Variants in NEDD4L observed in about 807,000 individuals in gnomAD.
NEDD4L encodes the protein NEDD4 like E3 ubiquitin protein ligase, also known as E3 ubiquitin-protein ligase NEDD4-like.
A neutral mutation model predicts 148.9 loss-of-function variants in NEDD4L; 54 were observed. The ratio of observed to expected loss-of-function variants is 0.36; its 90% CI spans 0.29 to 0.45. The LOEUF (loss-of-function observed/expected upper bound fraction) is 0.45. NEDD4L is among the 20% of genes least tolerant of loss of function. The pLI is 1.00. For synonymous variants in NEDD4L, 433 were observed against 440.7 expected, an observed-to-expected ratio of 0.98 and a Z score of 0.22; for missense variants, 856 against 1,233.8, an observed-to-expected ratio of 0.69 and a Z score of 4.59.
At chr18:58,068,008 G>A (rs1266052232) in intron 1 of NEDD4L, among the ~76,000 whole-genome samples, 1 of 152,108 alleles carries the variant, frequency 6.6e-6, no homozygotes, top group East Asian at 1.9e-4. Flanking sequence ...CACCCAGGCT[G>A]GAGTGCAGCT....
chr18:58,062,560 A>T (rs150343269), intron 1 of NEDD4L, among the ~76,000 whole-genome samples: 1 of 152,346 alleles, frequency 6.6e-6, no homozygotes, highest in East Asian at 1.9e-4. Flanking sequence ...TGTTGCTGTC[A>T]TCTAAATGTA....
chr18:58,048,926 A>C (rs1598921054), intron 1 of NEDD4L, among the ~76,000 whole-genome samples: 1 of 152,224 alleles, frequency 6.6e-6, no homozygotes, highest in Non-Finnish European at 1.5e-5. Flanking sequence ...TTTAAGGCTA[A>C]CCTTTGGCGT....
chr18:58,377,655 C>T (rs1356686220), intron 24 of NEDD4L, among the ~76,000 whole-genome samples: 2 of 152,154 alleles, frequency 1.3e-5, no homozygotes, highest in South Asian at 2.1e-4. Context: ...CTGCCCCCAC[C>T]GGGAGGAGGG....
In NEDD4L at chr18:58,128,293, C is replaced by T. The variant is rs543130747; in HGVS notation, c.49-37495C>T. Among the ~76,000 whole-genome samples, 18 of 152,266 alleles carry T rather than the reference C, an allele frequency of 1.2e-4. 1 individual carries two copies. In the East Asian group the frequency reaches 2.5e-3, roughly 21 times the overall value. On this transcript the variant is annotated intron_variant, in intron 1 of 30. Coordinates refer to ENST00000400345, the MANE Select transcript of NEDD4L (RefSeq NM_001144967.3). ...AACTCCTGGCCTCAGGTGATCCACC[C>T]GCCTCGGCCTCCCAGCGTGCTCATT...
chr18:58,323,461 C>A (rs2059025949), intron 8 of NEDD4L, 127 bp downstream of exon 8: 3 of 607,888 alleles, frequency 4.9e-6, no homozygotes, highest in Non-Finnish European at 5.8e-6. Flanking sequence ...CATATGTCCG[C>A]AAATTGGTCA....
At chr18:58,301,044 A>C (rs1227135772) in intron 5 of NEDD4L, among the ~76,000 whole-genome samples, 1 of 152,196 alleles carries the variant, frequency 6.6e-6, no homozygotes, top group African/African-American at 2.4e-5. Context: ...CAGCACAGAA[A>C]TACAGCACAG....
intron 1 of NEDD4L, among the ~76,000 whole-genome samples, chr18:58,094,560 C>T (rs536335114): frequency 6.2e-4 from 95 of 152,222 alleles, no homozygotes; most frequent in Non-Finnish European, 9.3e-4. Flanking sequence ...CATTCTTGTG[C>T]CTGACTGTGC....
At chr18:58,180,282 C>T (rs2038703054) in intron 2 of NEDD4L, among the ~76,000 whole-genome samples, 1 of 152,208 alleles carries the variant, frequency 6.6e-6, no homozygotes, top group African/African-American at 2.4e-5. Context: ...TCTCCTTTCT[C>T]AGGCCAGTGC....
intron 2 of NEDD4L, among the ~76,000 whole-genome samples, chr18:58,177,390 C>T (rs1017547588): frequency 2.0e-5 from 3 of 152,166 alleles, no homozygotes; most frequent in African/African-American, 7.2e-5. Flanking sequence ...ATTTATTTAA[C>T]AAAAATTGAA....
chr18:58,381,953 A>T (rs2048400571), intron 24 of NEDD4L, among the ~76,000 whole-genome samples: 1 of 152,208 alleles, frequency 6.6e-6, no homozygotes, highest in African/African-American at 2.4e-5. Context: ...AGAAAGGGAA[A>T]TGGAGAAATG....
At chr18:58,104,287 T>C (rs2084938116) in intron 1 of NEDD4L, among the ~76,000 whole-genome samples, 2 of 152,096 alleles carry the variant, frequency 1.3e-5, no homozygotes, top group South Asian at 4.1e-4. Context: ...AGATTTGTGG[T>C]TTGGTTTCTA....
At chr18:58,329,979 GA>G (rs1259313402) in intron 10 of NEDD4L, among the ~76,000 whole-genome samples, 1 of 152,146 alleles carries the variant, frequency 6.6e-6, no homozygotes, top group East Asian at 1.9e-4. Flanking sequence ...TTGACACTTG[GA>G]AGAGATTTAT....
In NEDD4L at chr18:58,147,821, C is replaced by G. The variant is rs4149590; in HGVS notation, c.49-17967C>G. Among the ~76,000 whole-genome samples the G allele has an allele frequency of 7.7e-3, 1,172 of 152,228 alleles. 8 individuals are homozygous for G. Among genetic ancestry groups the G allele is most frequent in the Non-Finnish European group, 9.1e-3 (619 of 68,006 alleles). On this transcript the variant is annotated intron_variant, in intron 1 of 30. Transcript: ENST00000400345. ...AATGCCCTTTTCATGCCTGTGACCT[C>G]TCTTTACTATGCCTTTTCTTCTCTG...
In NEDD4L at chr18:58,256,888, C is replaced by A; in HGVS notation, c.297+4834C>A. 1.0e-6 allele frequency: 1 copy of A among 968,212 alleles called. No homozygotes were observed. Among genetic ancestry groups the A allele is most frequent in the Non-Finnish European group, 1.3e-6 (1 of 747,812 alleles). The allele number at this position is 968,212 out of a possible 1,614,324, so 60.0% of individuals were successfully genotyped here. A position where few individuals can be genotyped will look rare whatever the true frequency, so the allele number is the denominator to read the frequency against. Reference sequence around the variant, plus strand: ...TTCCGGGAGTTTCCCTGCTTCAGGCCAGTGGATCTGAATGTTTGGCCGAGT... The same window carrying A: ...TTCCGGGAGTTTCCCTGCTTCAGGCAAGTGGATCTGAATGTTTGGCCGAGT... On this transcript the variant is annotated intron_variant, in intron 5 of 30. Transcript: ENST00000400345. This position sits in a 1 kb window ranked among gnomAD's most constrained non-coding sequence, Gnocchi z 5.2.
intron 25 of NEDD4L, among the ~76,000 whole-genome samples, chr18:58,383,642 G>A (rs186789413): frequency 1.3e-3 from 202 of 152,320 alleles, no homozygotes; most frequent in African/African-American, 4.7e-3. Context: ...GAGAACCACG[G>A]TGTCAGTGAC....
chr18:58,191,169 TACAAC>T (rs1568357972), intron 2 of NEDD4L, among the ~76,000 whole-genome samples: 2 of 152,196 alleles, frequency 1.3e-5, no homozygotes, highest in South Asian at 2.1e-4. Context: ...AAAAAGAACT[TACAAC>T]AAACTGATTT....
intron 4 of NEDD4L, 131 bp downstream of exon 4, chr18:58,249,068 T>G: frequency 2.1e-6 from 1 of 478,602 alleles, no homozygotes; most frequent in Non-Finnish European, 3.7e-6. Flanking sequence ...ATAGGTAGCC[T>G]CCTAATGTGT....
intron 24 of NEDD4L, among the ~76,000 whole-genome samples, chr18:58,379,972 A>C (rs2048121527): frequency 6.6e-6 from 1 of 152,132 alleles, no homozygotes; most frequent in Non-Finnish European, 1.5e-5. Context: ...CCAGGGTCAG[A>C]ATCAACCATG....
At chr18:58,142,032 A>ATTTTTTTT (rs1568275559) in intron 1 of NEDD4L, among the ~76,000 whole-genome samples, 1 of 95,334 alleles carries the variant, frequency 1.0e-5, no homozygotes, top group Non-Finnish European at 2.2e-5. Flanking sequence ...GCCTTCCAAA[A>ATTTTTTTT]TTTCTTTCTT....
Sources: gnomAD v4.1 joint callset for allele counts (sites outside exome capture counted in the v4.1 genomes callset) on GRCh38, gnomAD v4.1.1 for gene constraint, Gnocchi (gnomAD v3.1) non-coding constraint, MANE v1.5 for transcripts, NCBI Gene and HGNC (gene_info 2026-07-23, HGNC 2026-07-21) for gene names.